NTN4: variants seen among roughly 807,000 people sequenced by gnomAD.
NTN4 encodes the protein netrin-4.
NTN4 carries 32 observed loss-of-function variants against 73.6 expected under a neutral mutation model. That is an observed-to-expected ratio of 0.44 (90% CI 0.33 to 0.58). The LOEUF (loss-of-function observed/expected upper bound fraction) is 0.58, where lower values mean the gene tolerates loss of function less well. NTN4 is among the 20% of genes least tolerant of loss of function. The probability of loss-of-function intolerance (pLI) is 0.04; values close to 1 mark genes in which losing one functional copy is unlikely to be tolerated. For synonymous variants in NTN4, 258 were observed against 287.5 expected, an observed-to-expected ratio of 0.90 and a Z score of 1.04; for missense variants, 654 against 798.3, an observed-to-expected ratio of 0.82 and a Z score of 2.18.
intron 3 of NTN4, among the ~76,000 whole-genome samples, chr12:95,716,883 C>G (rs2078609548): frequency 6.6e-6 from 1 of 152,048 alleles, no homozygotes. Flanking sequence ...GATCACAGAT[C>G]ACTGACACCT....
chr12:95,788,648 G>A (rs1199914295), intron 1 of NTN4, among the ~76,000 whole-genome samples: 1 of 152,192 alleles, frequency 6.6e-6, no homozygotes, highest in Non-Finnish European at 1.5e-5. Context: ...GACAGCTTAG[G>A]CTGCAACAGA....
chr12:95,740,706 C>T (rs143445683), intron 2 of NTN4, among the ~76,000 whole-genome samples: 231 of 152,254 alleles, frequency 1.5e-3, no homozygotes, highest in African/African-American at 5.3e-3. Flanking sequence ...GGGATGCCAA[C>T]TTGATAATAT....
At chr12:95,758,696 C>T (rs2078963896) in intron 2 of NTN4, among the ~76,000 whole-genome samples, 1 of 152,114 alleles carries the variant, frequency 6.6e-6, no homozygotes, top group Admixed American at 6.5e-5. Flanking sequence ...TCCTGAATAA[C>T]TGAGACTACA....
At chr12:95,737,147 G>A (rs975974576) in intron 3 of NTN4, among the ~76,000 whole-genome samples, 1 of 152,146 alleles carries the variant, frequency 6.6e-6, no homozygotes, top group African/African-American at 2.4e-5. Context: ...TGGAAGTCGG[G>A]GAGGTAAGGA....
chr12:95,673,952 T>C (rs529497736), intron 7 of NTN4: 1 of 152,290 alleles, frequency 6.6e-6, no homozygotes, highest in African/African-American at 2.4e-5. Context: ...TACTAAATCC[T>C]TTCTCCAGGA....
chr12:95,772,845 C>T (rs1292802353), intron 2 of NTN4, among the ~76,000 whole-genome samples: 2 of 152,166 alleles, frequency 1.3e-5, no homozygotes, highest in Admixed American at 1.3e-4. Context: ...TGAATTATTG[C>T]AATAGGATTC....
chr12:95,780,775 A>G (rs1254790019), intron 2 of NTN4, among the ~76,000 whole-genome samples: 1 of 152,208 alleles, frequency 6.6e-6, no homozygotes. Flanking sequence ...TAGAAATACC[A>G]TTTGACCCAG....
chr12:95,710,658 C>T (rs1474110873), intron 4 of NTN4, 29 bp from the exon 5 acceptor site: 2 of 1,592,978 alleles, frequency 1.3e-6, no homozygotes, highest in African/African-American at 2.7e-5. Flanking sequence ...GAGAGAAACA[C>T]TAATAAGTAA....
intron 2 of NTN4, among the ~76,000 whole-genome samples, chr12:95,776,966 G>C (rs893910282): frequency 6.6e-6 from 1 of 152,148 alleles, no homozygotes; most frequent in Non-Finnish European, 1.5e-5. Flanking sequence ...TGATCTCTTG[G>C]TGGAAACTCT....
At chr12:95,724,287 C>G (rs1437385096) in intron 3 of NTN4, among the ~76,000 whole-genome samples, 1 of 152,160 alleles carries the variant, frequency 6.6e-6, no homozygotes, top group African/African-American at 2.4e-5. Context: ...CATACTGTTA[C>G]CAATTATGAG....
At chr12:95,779,488 C>A (rs2079117411) in intron 2 of NTN4, among the ~76,000 whole-genome samples, 1 of 152,236 alleles carries the variant, frequency 6.6e-6, no homozygotes, top group Admixed American at 6.5e-5. Context: ...GTGCGAAAAT[C>A]GCAAGCATTC....
intron 3 of NTN4, among the ~76,000 whole-genome samples, chr12:95,716,907 G>A (rs1224242127): frequency 5.9e-5 from 9 of 152,006 alleles, no homozygotes; most frequent in African/African-American, 1.2e-4. Flanking sequence ...ATTCCTGGGC[G>A]GAAGTGATCC....
At chr12:95,773,477 G>A (rs191870892) in intron 2 of NTN4, among the ~76,000 whole-genome samples, 296 of 152,196 alleles carry the variant, frequency 1.9e-3, no homozygotes, top group African/African-American at 6.6e-3. Context: ...TTGAGGGCCC[G>A]CATGCCCACA....
At position 95,757,781 on chromosome 12, in the gene NTN4, A is replaced by C. The variant is rs200976282; in HGVS notation, c.586-19637T>G. 9.0e-3 allele frequency among the ~76,000 whole-genome samples: 1,373 copies of C among 152,300 alleles called. 46 individuals carry two copies. The highest frequency in any genetic ancestry group is 0.087 in the East Asian group (453 of 5,188). Reference sequence around the variant, plus strand: ...GAAGTGAGAATGCAAAGTAAAAAAAAAAAAATGTAATTAAAAATGGCAAAT... The same window carrying C: ...GAAGTGAGAATGCAAAGTAAAAAAACAAAAATGTAATTAAAAATGGCAAAT... On this transcript the variant is annotated intron_variant, in intron 2 of 9. Transcript: ENST00000343702.
intron 1 of NTN4, 120 bp from the exon 2 acceptor site, chr12:95,787,588 G>A (rs913131609): frequency 1.1e-6 from 1 of 888,300 alleles, no homozygotes; most frequent in East Asian, 2.5e-5. Context: ...TTCGATAAAT[G>A]GCAAATTCTA....
At chr12:95,775,268 G>A (rs147709038) in intron 2 of NTN4, among the ~76,000 whole-genome samples, 18,760 of 152,224 alleles carry the variant, frequency 0.12, 1,548 homozygotes, top group Non-Finnish European at 0.18. Context: ...CACAGAAGAC[G>A]GGTGATTTCT....
intron 5 of NTN4, among the ~76,000 whole-genome samples, chr12:95,688,860 A>G (rs1002325751): frequency 6.6e-6 from 1 of 151,982 alleles, no homozygotes; most frequent in African/African-American, 2.4e-5. Context: ...GTCACATACG[A>G]TGGACAATAG....
At chr12:95,736,854 C>T (rs2078781677) in intron 3 of NTN4, among the ~76,000 whole-genome samples, 1 of 152,208 alleles carries the variant, frequency 6.6e-6, no homozygotes, top group Admixed American at 6.5e-5. Context: ...ACAAACTGTC[C>T]TGCTGGCTAA....
intron 3 of NTN4, among the ~76,000 whole-genome samples, chr12:95,717,287 C>T (rs564029708): frequency 6.6e-6 from 1 of 152,258 alleles, no homozygotes; most frequent in South Asian, 2.1e-4. Context: ...TTCATCCTGC[C>T]ACAAATCTCA....
Sources: allele counts gnomAD v4.1 joint callset (sites outside exome capture counted in the v4.1 genomes callset), GRCh38; gene constraint gnomAD v4.1.1; transcripts MANE v1.5; gene names NCBI Gene and HGNC (gene_info 2026-07-23, HGNC 2026-07-21).